The following ADAMTS19 variants were observed in gnomAD, a reference collection of about 807,000 sequenced individuals.
The protein encoded by ADAMTS19 is ADAM metallopeptidase with thrombospondin type 1 motif 19.
A neutral mutation model predicts 153.3 loss-of-function variants in ADAMTS19; 93 were observed. That is an observed-to-expected ratio of 0.61 (90% CI 0.51 to 0.72). ADAMTS19 has a LOEUF of 0.72. Ranked by LOEUF, ADAMTS19 falls within the 30% of genes least tolerant of loss-of-function variation. The probability of loss-of-function intolerance (pLI) is 0.00; values close to 1 mark genes in which losing one functional copy is unlikely to be tolerated. For synonymous variants in ADAMTS19, 600 were observed against 556.6 expected, an observed-to-expected ratio of 1.08 and a Z score of -1.10; for missense variants, 1,482 against 1,552.1, an observed-to-expected ratio of 0.95 and a Z score of 0.76.
Position 129,632,201 on chromosome 5 carries a change from A to G in ADAMTS19, c.1771-9658A>G, listed in dbSNP as rs542066516. On this transcript the variant is annotated intron_variant, in intron 10 of 22. Coordinates refer to ENST00000274487, the MANE Select transcript of ADAMTS19 (RefSeq NM_133638.6). ...CTCCAGGCCACAGTTTGCCAAACTC[A>G]TCTCTAGGGATTAAAATATAAACTC... 3.3e-5 allele frequency among the ~76,000 whole-genome samples: 5 copies of G among 152,166 alleles called. No homozygotes were observed. The East Asian group carries it at 9.7e-4, about 29-fold the overall frequency.
intron 13 of ADAMTS19, among the ~76,000 whole-genome samples, chr5:129,652,425 A>G (rs1178075911): frequency 6.6e-6 from 1 of 152,352 alleles, no homozygotes; most frequent in South Asian, 2.1e-4. Flanking sequence ...GAGAAAAGAC[A>G]TGCATGGCTT....
chr5:129,551,929 CT>C, intron 7 of ADAMTS19, 22 bp downstream of exon 7: 1 of 1,528,248 alleles, frequency 6.5e-7, no homozygotes, highest in Admixed American at 2.0e-5. Context: ...AATTCTCACA[CT>C]TTTGGAGTTC....
rs1422477 is a variant in ADAMTS19 at position 129,727,634 on chromosome 5, C to T, written c.3313-7298C>T. On this transcript the variant is annotated intron_variant, in intron 21 of 22. Transcript: ENST00000274487. ...TTCCAGCACTTCTTGCCTGTAAAAC[C>T]GTAGACAGTAGACAGTTTGTGAATT... Among the ~76,000 whole-genome samples the T allele has an allele frequency of 8.8e-3, 1,342 of 152,124 alleles. 19 individuals are homozygous for T. The highest frequency in any genetic ancestry group is 0.031 in the African/African-American group (1,285 of 41,482).
chr5:129,598,199 C>T (rs1750473276), intron 8 of ADAMTS19, among the ~76,000 whole-genome samples: 1 of 152,170 alleles, frequency 6.6e-6, no homozygotes, highest in African/African-American at 2.4e-5. Flanking sequence ...TAACACTCAA[C>T]CCACAGCCCA....
chr5:129,580,070 A>T (rs1267102966), intron 7 of ADAMTS19, among the ~76,000 whole-genome samples: 2 of 152,180 alleles, frequency 1.3e-5, no homozygotes, highest in African/African-American at 4.8e-5. Flanking sequence ...ATCCATGAGC[A>T]TGGAATGTTT....
chr5:129,505,928 T>C (rs1298239533), intron 2 of ADAMTS19, among the ~76,000 whole-genome samples: 1 of 152,164 alleles, frequency 6.6e-6, no homozygotes, highest in African/African-American at 2.4e-5. Context: ...TTATTTTAGA[T>C]AGTGCATTGT....
chr5:129,542,410 T>G (rs574282068), intron 6 of ADAMTS19, among the ~76,000 whole-genome samples: 1 of 152,104 alleles, frequency 6.6e-6, no homozygotes, highest in African/African-American at 2.4e-5. Flanking sequence ...GGGACTAGAG[T>G]TGGGGAAGGA....
chr5:129,596,718 G>C lies in ADAMTS19; in HGVS notation c.1478+54G>C, dbSNP rs574842093. ...ATGTTAGCATATAACTTTGTAATTC[G>C]AGTTACTGAATTACCTGGATATCTT... On this transcript the variant is annotated intron_variant, in intron 8 of 22. Coordinates refer to ENST00000274487, the MANE Select transcript of ADAMTS19 (RefSeq NM_133638.6). The C allele has an allele frequency of 1.6e-5, 20 of 1,282,600 alleles. No homozygotes were observed. The African/African-American group carries it at 2.3e-4, about 15-fold the overall frequency. 79.5% of individuals were successfully genotyped at this position (1,282,600 alleles called of 1,614,324 possible).
At chr5:129,532,272 G>A (rs569750867) in intron 6 of ADAMTS19, among the ~76,000 whole-genome samples, 5 of 152,162 alleles carry the variant, frequency 3.3e-5, no homozygotes, top group Middle Eastern at 3.4e-3. Context: ...GAATGTTTAC[G>A]TATGTGTGTA....
chr5:129,698,509 T>A (rs1755672928), intron 19 of ADAMTS19, among the ~76,000 whole-genome samples: 1 of 152,264 alleles, frequency 6.6e-6, no homozygotes, highest in East Asian at 1.9e-4. Context: ...GATAAGGAAA[T>A]GGGATCCTTC....
chr5:129,692,404 T>C (rs1755376701), intron 18 of ADAMTS19, among the ~76,000 whole-genome samples: 1 of 152,086 alleles, frequency 6.6e-6, no homozygotes. Context: ...TTATTTGAAG[T>C]TGTTGGGTTT....
chr5:129,607,080 G>T, intron 8 of ADAMTS19, among the ~76,000 whole-genome samples: 1 of 152,016 alleles, frequency 6.6e-6, no homozygotes, highest in East Asian at 1.9e-4. Flanking sequence ...ACCCCACCCA[G>T]CTAATTTTGT....
intron 21 of ADAMTS19, among the ~76,000 whole-genome samples, chr5:129,726,104 G>A (rs1269567378): frequency 6.6e-6 from 1 of 152,062 alleles, no homozygotes; most frequent in Non-Finnish European, 1.5e-5. Context: ...AATTTTCTAA[G>A]CTGTTTAAGT....
intron 14 of ADAMTS19, among the ~76,000 whole-genome samples, chr5:129,658,316 A>G (rs1391039508): frequency 2.5e-5 from 1 of 40,222 alleles, no homozygotes; most frequent in South Asian, 9.7e-4. Flanking sequence ...AGAAAAAGAA[A>G]GAAAGAAAGA....
At chr5:129,548,491 A>G (rs1208589074) in intron 6 of ADAMTS19, among the ~76,000 whole-genome samples, 2 of 152,224 alleles carry the variant, frequency 1.3e-5, no homozygotes, top group East Asian at 3.9e-4. Context: ...ATCTGACACC[A>G]GTTAGAATGG....
intron 8 of ADAMTS19, among the ~76,000 whole-genome samples, chr5:129,613,789 C>A (rs569321507): frequency 1.3e-5 from 2 of 151,740 alleles, no homozygotes; most frequent in Non-Finnish European, 2.9e-5. Context: ...AGACTGCTAG[C>A]GAGACTAATA....
intron 11 of ADAMTS19, among the ~76,000 whole-genome samples, chr5:129,645,907 G>C (rs1034265438): frequency 4.1e-5 from 1 of 24,132 alleles, no homozygotes; most frequent in Non-Finnish European, 8.9e-5. Context: ...TTTTTTTTTT[G>C]AGACGGAGTC....
intron 8 of ADAMTS19, among the ~76,000 whole-genome samples, chr5:129,606,492 TC>T (rs1466826672): frequency 2.6e-5 from 4 of 152,230 alleles, no homozygotes; most frequent in Admixed American, 2.0e-4. Flanking sequence ...TGGCTTGGAC[TC>T]TTGCAGTATC....
intron 10 of ADAMTS19, among the ~76,000 whole-genome samples, chr5:129,631,857 G>A (rs1000295255): frequency 6.6e-6 from 1 of 151,880 alleles, no homozygotes; most frequent in African/African-American, 2.4e-5. Context: ...TAAACAATGT[G>A]TTTGAATTTA....
Sources: gnomAD v4.1 joint callset for allele counts (sites outside exome capture counted in the v4.1 genomes callset) on GRCh38, gnomAD v4.1.1 for gene constraint, MANE v1.5 for transcripts, NCBI Gene and HGNC (gene_info 2026-07-23, HGNC 2026-07-21) for gene names.